The following PTPRM variants were observed in gnomAD, a reference collection of about 807,000 sequenced individuals.
The protein encoded by PTPRM is protein tyrosine phosphatase receptor type M, also known as receptor-type tyrosine-protein phosphatase mu.
Under a neutral mutation model 186.7 loss-of-function variants are expected in PTPRM, and 47 were observed. The observed-to-expected ratio is 0.25, with a 90% CI of 0.20 to 0.32. PTPRM has a LOEUF of 0.32. PTPRM is among the 10% of genes least tolerant of loss of function. PTPRM has a pLI of 1.00. For missense variants in PTPRM, 1,494 were observed against 1,865.0 expected (o/e 0.80, Z 3.66); for synonymous variants, 668 against 674.9 (o/e 0.99, Z 0.16).
At chr18:8,201,501 CTATT>C (rs1475400749) in intron 14 of PTPRM, among the ~76,000 whole-genome samples, 1 of 152,122 alleles carries the variant, frequency 6.6e-6, no homozygotes, top group Admixed American at 6.5e-5. Context: ...ATTACTATAT[CTATT>C]TATTAGTCTG....
chr18:7,616,592 C>G (rs1012889729), intron 1 of PTPRM, among the ~76,000 whole-genome samples: 13 of 152,236 alleles, frequency 8.5e-5, no homozygotes, highest in Admixed American at 3.3e-4. Context: ...CAGTGTTGTG[C>G]GGCAGAGACT....
intron 14 of PTPRM, among the ~76,000 whole-genome samples, chr18:8,165,889 G>A (rs1178787078): frequency 1.3e-5 from 2 of 152,098 alleles, no homozygotes; most frequent in Middle Eastern, 3.2e-3. Flanking sequence ...TGTAAGAAAA[G>A]ATATTCAGCA....
chr18:8,149,259 T>C (rs1316620035), intron 14 of PTPRM, among the ~76,000 whole-genome samples: 1 of 152,154 alleles, frequency 6.6e-6, no homozygotes, highest in Non-Finnish European at 1.5e-5. Context: ...GGTGTTAAAG[T>C]CTCCCACAAT....
At chr18:7,646,091 A>G (rs939012503) in intron 1 of PTPRM, among the ~76,000 whole-genome samples, 1 of 152,164 alleles carries the variant, frequency 6.6e-6, no homozygotes, top group Non-Finnish European at 1.5e-5. Flanking sequence ...GGAAGCAGGG[A>G]TTGGAATCCA....
intron 31 of PTPRM, among the ~76,000 whole-genome samples, chr18:8,390,963 A>G (rs988195578): frequency 6.9e-6 from 1 of 144,536 alleles, no homozygotes; most frequent in Non-Finnish European, 1.5e-5. Flanking sequence ...TAATAATAAT[A>G]ATAATAAAGA....
At chr18:8,297,441 G>A (rs1233150547) in intron 20 of PTPRM, among the ~76,000 whole-genome samples, 2 of 152,130 alleles carry the variant, frequency 1.3e-5, no homozygotes, top group African/African-American at 4.8e-5. Context: ...TACCAGTGCT[G>A]CCCACAGAAT....
chr18:8,204,478 A>G (rs939810252), intron 14 of PTPRM, among the ~76,000 whole-genome samples: 9 of 152,158 alleles, frequency 5.9e-5, no homozygotes, highest in Non-Finnish European at 1.2e-4. Flanking sequence ...GTGCCATCTT[A>G]GAAAACACCA....
At chr18:8,034,112 A>G (rs1181005793) in intron 7 of PTPRM, among the ~76,000 whole-genome samples, 1 of 151,312 alleles carries the variant, frequency 6.6e-6, no homozygotes, top group Non-Finnish European at 1.5e-5. Flanking sequence ...TGATCTCTTC[A>G]TCTCTAGATC....
intron 7 of PTPRM, among the ~76,000 whole-genome samples, chr18:8,050,854 A>G (rs780999004): frequency 1.3e-5 from 2 of 152,040 alleles, no homozygotes; most frequent in Non-Finnish European, 1.5e-5. Flanking sequence ...CTTCCTCCTG[A>G]TGTGACAGCC....
chr18:7,790,514 A>G (rs758715850), intron 2 of PTPRM, among the ~76,000 whole-genome samples: 1 of 152,196 alleles, frequency 6.6e-6, no homozygotes, highest in Non-Finnish European at 1.5e-5. Context: ...CACTGACACA[A>G]AGAGGAAGGG....
chr18:7,624,446 C>G (rs943018989), intron 1 of PTPRM, among the ~76,000 whole-genome samples: 1 of 151,866 alleles, frequency 6.6e-6, no homozygotes, highest in Admixed American at 6.6e-5. Context: ...TTTTTCTTGT[C>G]GTGTATCCTG....
intron 2 of PTPRM, among the ~76,000 whole-genome samples, chr18:7,809,983 C>CAG (rs1400903218): frequency 6.6e-6 from 1 of 152,102 alleles, no homozygotes; most frequent in Non-Finnish European, 1.5e-5. Flanking sequence ...ACAGATTGTC[C>CAG]AGAGAGAGTG....
At chr18:7,590,457 G>A (rs1374926401) in intron 1 of PTPRM, among the ~76,000 whole-genome samples, 2 of 152,108 alleles carry the variant, frequency 1.3e-5, no homozygotes, top group Non-Finnish European at 2.9e-5. Context: ...GAAAATAGTG[G>A]AACTTTTTCC....
At chr18:7,877,783 T>G (rs896829928) in intron 2 of PTPRM, among the ~76,000 whole-genome samples, 9 of 152,176 alleles carry the variant, frequency 5.9e-5, no homozygotes, top group African/African-American at 1.7e-4. Context: ...TTTGCTTGCT[T>G]TAGTCCAATT....
chr18:8,194,046 C>G (rs2093743091), intron 14 of PTPRM, among the ~76,000 whole-genome samples: 1 of 152,220 alleles, frequency 6.6e-6, no homozygotes, highest in Non-Finnish European at 1.5e-5. Flanking sequence ...TCCTCCTTGT[C>G]AGACAGGGGG....
intron 1 of PTPRM, among the ~76,000 whole-genome samples, chr18:7,713,989 C>G (rs1343499919): frequency 1.3e-5 from 2 of 152,106 alleles, no homozygotes; most frequent in Non-Finnish European, 2.9e-5. Flanking sequence ...CAAGGATATT[C>G]AGGACTTGAA....
intron 14 of PTPRM, among the ~76,000 whole-genome samples, chr18:8,186,072 A>G (rs1160765979): frequency 6.6e-6 from 1 of 152,232 alleles, no homozygotes; most frequent in African/African-American, 2.4e-5. Context: ...AAGGTTTTTA[A>G]GAATAAAAAG....
intron 20 of PTPRM, among the ~76,000 whole-genome samples, chr18:8,301,961 G>A (rs2095162969): frequency 6.6e-6 from 1 of 152,240 alleles, no homozygotes; most frequent in African/African-American, 2.4e-5. Context: ...GGTACAGCAG[G>A]GAAGGCTGTG....
At chr18:8,142,120 A>G (rs563888859) in intron 13 of PTPRM, among the ~76,000 whole-genome samples, 12 of 152,348 alleles carry the variant, frequency 7.9e-5, no homozygotes, top group African/African-American at 2.6e-4. Flanking sequence ...CTGAACAACT[A>G]GTTTGAGGGA....
Sources: gnomAD v4.1 joint callset for allele counts (sites outside exome capture counted in the v4.1 genomes callset) on GRCh38, gnomAD v4.1.1 for gene constraint, MANE v1.5 for transcripts, NCBI Gene and HGNC (gene_info 2026-07-23, HGNC 2026-07-21) for gene names.